Variants in CADM2 observed in about 807,000 individuals in gnomAD.
CADM2 encodes the protein immunoglobulin superfamily member 4D.
CADM2 carries 12 observed loss-of-function variants against 49.8 expected under a neutral mutation model. The observed-to-expected ratio is 0.24, with a 90% CI of 0.15 to 0.39. CADM2 has a LOEUF of 0.39. Among genes scored for constraint, CADM2 ranks in the 10% least tolerant of loss-of-function variants. CADM2 has a pLI of 1.00. For missense variants in CADM2, 378 were observed against 492.3 expected (o/e 0.77, Z 2.20); for synonymous variants, 214 against 175.4 (o/e 1.22, Z -1.74).
chr3:85,902,552 T>C (rs1716268561), intron 5 of CADM2, among the ~76,000 whole-genome samples: 2 of 151,870 alleles, frequency 1.3e-5, no homozygotes, highest in South Asian at 4.2e-4. Flanking sequence ...ATGTATGATA[T>C]TACAATAATT....
At chr3:85,659,819 A>G (rs2065343502) in intron 1 of CADM2, among the ~76,000 whole-genome samples, 1 of 152,144 alleles carries the variant, frequency 6.6e-6, no homozygotes, top group Non-Finnish European at 1.5e-5. Context: ...AGATGGAACT[A>G]TTGAAGCTCC....
intron 3 of CADM2, among the ~76,000 whole-genome samples, chr3:85,870,409 C>T (rs1426150164): frequency 6.6e-6 from 1 of 152,094 alleles, no homozygotes; most frequent in Non-Finnish European, 1.5e-5. Flanking sequence ...TTCCTCCCAT[C>T]CTCCATCCTC....
At chr3:85,451,719 A>C (rs1283476768) in intron 1 of CADM2, among the ~76,000 whole-genome samples, 2 of 152,164 alleles carry the variant, frequency 1.3e-5, no homozygotes, top group Non-Finnish European at 2.9e-5. Context: ...TGCATAAGGC[A>C]GATGCCTTTA....
At chr3:85,070,195 C>G (rs2036668598) in intron 1 of CADM2, among the ~76,000 whole-genome samples, 1 of 151,850 alleles carries the variant, frequency 6.6e-6, no homozygotes, top group Non-Finnish European at 1.5e-5. Flanking sequence ...TTTCTTTTCC[C>G]AGTTAAGAGA....
chr3:84,990,848 A>G (rs1009384584), intron 1 of CADM2, among the ~76,000 whole-genome samples: 1 of 152,138 alleles, frequency 6.6e-6, no homozygotes, highest in Non-Finnish European at 1.5e-5. Context: ...ATTTTCTAAG[A>G]TGACAAATCA....
chr3:85,562,663 T>C (rs1232275367), intron 1 of CADM2, among the ~76,000 whole-genome samples: 1 of 152,100 alleles, frequency 6.6e-6, no homozygotes, highest in Non-Finnish European at 1.5e-5. Flanking sequence ...TGCAATCATC[T>C]CTTTCTCTAT....
At chr3:85,620,365 A>G (rs777092923) in intron 1 of CADM2, among the ~76,000 whole-genome samples, 1 of 152,206 alleles carries the variant, frequency 6.6e-6, no homozygotes, top group East Asian at 1.9e-4. Flanking sequence ...GCAACCAATA[A>G]ACACACATAC....
intron 1 of CADM2, among the ~76,000 whole-genome samples, chr3:85,177,817 A>G (rs544680380): frequency 2.1e-4 from 32 of 152,102 alleles, no homozygotes; most frequent in African/African-American, 7.5e-4. Flanking sequence ...TCTAAGAGAA[A>G]TAGAAAAGCC....
At chr3:85,557,079 T>C (rs892404952) in intron 1 of CADM2, among the ~76,000 whole-genome samples, 2 of 152,072 alleles carry the variant, frequency 1.3e-5, no homozygotes, top group Non-Finnish European at 2.9e-5. Context: ...TTAGCAAGTA[T>C]ATTTCTTACC....
intron 3 of CADM2, among the ~76,000 whole-genome samples, chr3:85,833,616 C>A (rs979811581): frequency 7.3e-5 from 11 of 151,408 alleles, no homozygotes; most frequent in African/African-American, 2.7e-4. Flanking sequence ...CAGTCTGTCC[C>A]AGCACCATTT....
At chr3:85,186,009 G>T (rs2041052161) in intron 1 of CADM2, among the ~76,000 whole-genome samples, 1 of 152,254 alleles carries the variant, frequency 6.6e-6, no homozygotes, top group Non-Finnish European at 1.5e-5. Context: ...CAGGTGAAAG[G>T]TCCTGCCATG....
At chr3:85,212,789 T>C (rs2107771551) in intron 1 of CADM2, among the ~76,000 whole-genome samples, 1 of 151,582 alleles carries the variant, frequency 6.6e-6, no homozygotes, top group Non-Finnish European at 1.5e-5. Context: ...TTTTTTGCCT[T>C]CAGATATTTT....
chr3:85,248,273 A>AT (rs767155651), intron 1 of CADM2, among the ~76,000 whole-genome samples: 3 of 151,172 alleles, frequency 2.0e-5, no homozygotes, highest in East Asian at 3.9e-4. Context: ...CTATTTATTT[A>AT]TTTTTTTTTA....
chr3:85,486,324 A>C (rs1465591043), intron 1 of CADM2, among the ~76,000 whole-genome samples: 2 of 151,380 alleles, frequency 1.3e-5, no homozygotes. Context: ...AAATAGAAAC[A>C]TTTTGGCTAA....
intron 5 of CADM2, among the ~76,000 whole-genome samples, chr3:85,908,679 C>A (rs1052732318): frequency 1.3e-5 from 2 of 151,868 alleles, no homozygotes; most frequent in African/African-American, 4.8e-5. Flanking sequence ...ATCTATCCCT[C>A]TAATTACTCT....
intron 1 of CADM2, among the ~76,000 whole-genome samples, chr3:85,289,125 G>A (rs1022547255): frequency 2.6e-5 from 4 of 152,064 alleles, no homozygotes; most frequent in Non-Finnish European, 5.9e-5. Context: ...ATTTTATACT[G>A]AAAATAGAAA....
At chr3:85,513,374 A>C (rs2060818869) in intron 1 of CADM2, among the ~76,000 whole-genome samples, 1 of 152,058 alleles carries the variant, frequency 6.6e-6, no homozygotes, top group African/African-American at 2.4e-5. Context: ...ATTTTAATTA[A>C]TCAAGACCCA....
intron 2 of CADM2, among the ~76,000 whole-genome samples, chr3:85,755,458 C>A (rs1274036742): frequency 1.3e-5 from 2 of 152,050 alleles, no homozygotes; most frequent in African/African-American, 4.8e-5. Flanking sequence ...AACCTGAAAC[C>A]TCCCCAACCT....
chr3:85,215,222 T>C (rs1045068999), intron 1 of CADM2, among the ~76,000 whole-genome samples: 5 of 151,952 alleles, frequency 3.3e-5, no homozygotes, highest in African/African-American at 1.2e-4. Context: ...CAGTGGGCTC[T>C]CTTATGGCCC....
Sources: gnomAD v4.1 joint callset for allele counts (sites outside exome capture counted in the v4.1 genomes callset) on GRCh38, gnomAD v4.1.1 for gene constraint, MANE v1.5 for transcripts, NCBI Gene and HGNC (gene_info 2026-07-23, HGNC 2026-07-21) for gene names.